The following CDK5RAP2 variants were observed in gnomAD, a reference collection of about 807,000 sequenced individuals.
CDK5RAP2 encodes CDK5 regulatory subunit associated protein 2.
Under a neutral mutation model 232.9 loss-of-function variants are expected in CDK5RAP2, and 147 were observed. The ratio of observed to expected loss-of-function variants is 0.63; its 90% CI spans 0.55 to 0.72. CDK5RAP2 has a LOEUF of 0.72. Among genes scored for constraint, CDK5RAP2 ranks in the 30% least tolerant of loss-of-function variants. The probability of loss-of-function intolerance (pLI) is 0.00; values close to 1 mark genes in which losing one functional copy is unlikely to be tolerated. For synonymous variants in CDK5RAP2, 833 were observed against 833.7 expected (o/e 1.00, Z 0.01); for missense variants, 2,195 against 2,231.5 (o/e 0.98, Z 0.33).
chr9:120,520,470 C>G lies in CDK5RAP2; in HGVS notation c.1093-1825G>C, dbSNP rs1013853876. On this transcript the variant is annotated intron_variant, in intron 11 of 37. Coordinates refer to ENST00000349780, the MANE Select transcript of CDK5RAP2 (RefSeq NM_018249.6). ...CAGGCTGACCAATATGGTGAAACCC[C>G]CATCTCTACCAAAAATACAAAAATT... Among the ~76,000 whole-genome samples the G allele has an allele frequency of 3.5e-4, 53 of 152,226 alleles. 1 individual carries two copies. Among genetic ancestry groups the G allele is most frequent in the Admixed American group, 3.4e-3 (52 of 15,300 alleles).
At chr9:120,476,880 C>T (rs867439640) in intron 15 of CDK5RAP2, among the ~76,000 whole-genome samples, 93 of 152,226 alleles carry the variant, frequency 6.1e-4, no homozygotes, top group African/African-American at 2.0e-3. Context: ...CTCATTTCAG[C>T]AATTCTGCAG....
At chr9:120,559,662 T>C (rs1213472451) in intron 3 of CDK5RAP2, among the ~76,000 whole-genome samples, 3 of 140,792 alleles carry the variant, frequency 2.1e-5, no homozygotes, top group South Asian at 2.2e-4. Flanking sequence ...ACCCACAAAA[T>C]ATGACTTGGA....
At chr9:120,465,597 G>A (rs540627119) in intron 18 of CDK5RAP2, among the ~76,000 whole-genome samples, 3 of 151,962 alleles carry the variant, frequency 2.0e-5, no homozygotes, top group Non-Finnish European at 4.4e-5. Flanking sequence ...AAAGTTGTTG[G>A]GGGGAGGGGG....
At chr9:120,486,991 G>A (rs1452614551) in intron 14 of CDK5RAP2, among the ~76,000 whole-genome samples, 2 of 152,162 alleles carry the variant, frequency 1.3e-5, no homozygotes, top group Non-Finnish European at 2.9e-5. Flanking sequence ...ATTTAAATAG[G>A]AACACTTACG....
At position 120,471,806 on chromosome 9, in the gene CDK5RAP2, T is replaced by G; in HGVS notation, c.1800A>C (p.Ser600=). The change falls in exon 16 of 38, where the codon TCA becomes TCC. Residue 600 remains serine (S), a synonymous_variant. Coordinates refer to ENST00000349780, the MANE Select transcript of CDK5RAP2 (RefSeq NM_018249.6). ...LRKQLEQDVL[S]YQNLRKTLEE... ...CCAAGGTCTTCCGCAAATTCTGATA[T>G]GAAAGCACATCCTGCTCCAGTTGCT... is the stretch of plus-strand genomic sequence containing the variant. 6.2e-7 allele frequency: 1 copy of G among 1,613,844 alleles called. No homozygotes were observed. Among genetic ancestry groups the G allele is most frequent in the African/African-American group, 1.3e-5 (1 of 75,056 alleles).
rs995617460 is a variant in CDK5RAP2 at position 120,545,697 on chromosome 9, C to A, written c.383+17G>T. On this transcript the variant is annotated intron_variant, in intron 5 of 37. Transcript: ENST00000349780. ...GTGTGGGCGACTTGCAAGCTTTCAA[C>A]GGATGATGGTACTCACGAGGCTTTG... 1 of 1,604,598 alleles carries A rather than the reference C, an allele frequency of 6.2e-7. No individual in the cohort carries two copies. The highest frequency in any genetic ancestry group is 1.3e-5 in the African/African-American group (1 of 74,844).
intron 3 of CDK5RAP2, 121 bp downstream of exon 3, chr9:120,568,200 C>T: frequency 1.2e-6 from 1 of 801,646 alleles, no homozygotes; most frequent in Non-Finnish European, 2.2e-6. Context: ...TGAGACATGG[C>T]ACCCCCCTGC....
At chr9:120,428,970 T>C (rs1329928429) in intron 25 of CDK5RAP2, among the ~76,000 whole-genome samples, 3 of 151,920 alleles carry the variant, frequency 2.0e-5, no homozygotes, top group Admixed American at 6.6e-5. Context: ...AATCAATAAA[T>C]GTAATCCAGC....
Position 120,403,639 on chromosome 9 carries a change from G to C in CDK5RAP2, c.5041+397C>G. On this transcript the variant is annotated intron_variant, in intron 33 of 37. Coordinates refer to ENST00000349780, the MANE Select transcript of CDK5RAP2 (RefSeq NM_018249.6). The surrounding 1 kb of genome is among the most constrained non-coding windows in gnomAD (Gnocchi z 4.2). ...AGGAAACGGGACTTCTACCGGCAAA[G>C]AGTGGGACAAAGGGGGTCTAAAAGT... 1 of 316,018 alleles carries C rather than the reference G, an allele frequency of 3.2e-6. No homozygotes were observed. The highest frequency in any genetic ancestry group is 3.2e-5 in the South Asian group (1 of 31,450). The allele number at this position is 316,018 out of a possible 1,614,324, so 19.6% of individuals were successfully genotyped here. A position where few individuals can be genotyped will look rare whatever the true frequency, so the allele number is the denominator to read the frequency against.
At chr9:120,495,513 AC>A (rs2039142446) in intron 12 of CDK5RAP2, among the ~76,000 whole-genome samples, 1 of 38,226 alleles carries the variant, frequency 2.6e-5, no homozygotes, top group Non-Finnish European at 4.5e-5. Context: ...CCTGGCAACC[AC>A]CCCGTCTGAG....
At position 120,520,775 on chromosome 9, in the gene CDK5RAP2, TATCTCATGAGATATATCTC is replaced by T. The variant is rs1564332438; in HGVS notation, c.1093-2149_1093-2131del. ...CATATCTCATGAGATATATCTCAGATATCTCATGAGATATATCTCATATATCTCATGAGATATATCTCAT... is the reference window on the plus strand; with the variant it reads ...CATATCTCATGAGATATATCTCAGATATATATCTCATGAGATATATCTCAT... On this transcript the variant is annotated intron_variant, in intron 11 of 37. Coordinates refer to ENST00000349780, the MANE Select transcript of CDK5RAP2 (RefSeq NM_018249.6). Among the ~76,000 whole-genome samples, 14 of 148,634 alleles carry T rather than the reference TATCTCATGAGATATATCTC, an allele frequency of 9.4e-5. No individual in the cohort carries two copies. In the South Asian group the frequency reaches 2.6e-3, roughly 27 times the overall value.
chr9:120,471,620 A>G, intron 16 of CDK5RAP2, 128 bp downstream of exon 16: 1 of 1,352,856 alleles, frequency 7.4e-7, no homozygotes, highest in Middle Eastern at 2.0e-4. Context: ...GGTCACCACA[A>G]AAAGGATCTC....
At chr9:120,457,897 T>C (rs1189688046) in intron 20 of CDK5RAP2, among the ~76,000 whole-genome samples, 3 of 152,198 alleles carry the variant, frequency 2.0e-5, no homozygotes, top group South Asian at 2.1e-4. Flanking sequence ...GCAGCTGTTA[T>C]GGATGGACTA....
At chr9:120,577,589 C>T (rs1457570392) in intron 1 of CDK5RAP2, among the ~76,000 whole-genome samples, 1 of 152,182 alleles carries the variant, frequency 6.6e-6, no homozygotes, top group African/African-American at 2.4e-5. Flanking sequence ...GCAGTATCTA[C>T]GTCCTGCAAA....
At chr9:120,409,077 C>T in intron 30 of CDK5RAP2, 50 bp downstream of exon 30, 2 of 1,553,440 alleles carry the variant, frequency 1.3e-6, no homozygotes, top group Non-Finnish European at 1.8e-6. Context: ...CAGCCCAGTG[C>T]CTGCATGCGT....
At chr9:120,441,331 T>TTAG (rs1483980509) in intron 23 of CDK5RAP2, among the ~76,000 whole-genome samples, 1 of 152,230 alleles carries the variant, frequency 6.6e-6, no homozygotes, top group African/African-American at 2.4e-5. Context: ...TCTCTGAGCT[T>TTAG]TAGTAGCTTT....
intron 3 of CDK5RAP2, among the ~76,000 whole-genome samples, chr9:120,552,301 T>C (rs1328528719): frequency 6.6e-6 from 1 of 151,998 alleles, no homozygotes; most frequent in Non-Finnish European, 1.5e-5. Context: ...CTCAGGGATC[T>C]AGAACTAGAA....
In CDK5RAP2 at chr9:120,400,513, G is replaced by A. The variant is rs574360390; in HGVS notation, c.5451+229C>T. ...CCTGGTTCCCTCATGTGTAGAATGC[G>A]GACGGGATTCTACTCAACAAAGACA... On this transcript the variant is annotated intron_variant, in intron 35 of 37. Coordinates refer to ENST00000349780, the MANE Select transcript of CDK5RAP2 (RefSeq NM_018249.6). 3.3e-5 allele frequency among the ~76,000 whole-genome samples: 5 copies of A among 152,310 alleles called. No individual in the cohort carries two copies. The South Asian group carries it at 6.2e-4, about 19-fold the overall frequency.
chr9:120,466,875 G>A (rs1449779857), intron 18 of CDK5RAP2, among the ~76,000 whole-genome samples: 3 of 152,198 alleles, frequency 2.0e-5, no homozygotes, highest in Admixed American at 6.5e-5. Context: ...TACCTGGCAC[G>A]CCAGGTAGAG....
Sources: gnomAD v4.1 joint callset for allele counts (sites outside exome capture counted in the v4.1 genomes callset) on GRCh38, gnomAD v4.1.1 for gene constraint, Gnocchi (gnomAD v3.1) non-coding constraint, MANE v1.5 for transcripts, NCBI Gene and HGNC (gene_info 2026-07-23, HGNC 2026-07-21) for gene names.